Variants in DLC1 observed in about 807,000 individuals in gnomAD.
DLC1 encodes DLC1 Rho GTPase activating protein.
DLC1 carries 54 observed loss-of-function variants against 140.3 expected under a neutral mutation model. That is an observed-to-expected ratio of 0.38 (90% CI 0.31 to 0.48). The LOEUF (loss-of-function observed/expected upper bound fraction) is 0.48, where lower values mean the gene tolerates loss of function less well. Among genes scored for constraint, DLC1 ranks in the 20% least tolerant of loss-of-function variants. The pLI is 0.96. For missense variants in DLC1, 2,536 were observed against 1,907.0 expected, an observed-to-expected ratio of 1.33 and a Z score of -6.14; for synonymous variants, 986 against 728.1, an observed-to-expected ratio of 1.35 and a Z score of -5.70.
chr8:13,520,125 A>G (rs939165369), intron 1 of DLC1, among the ~76,000 whole-genome samples: 15 of 152,356 alleles, frequency 9.8e-5, no homozygotes, highest in African/African-American at 3.6e-4. Flanking sequence ...ATTACTGGGC[A>G]TATACCCAAA....
chr8:13,088,661 T>G lies in DLC1; in HGVS notation c.4118A>C (p.Glu1373Ala). 6.2e-7 allele frequency: 1 copy of G among 1,614,156 alleles called. No individual in the cohort carries two copies. The highest frequency in any genetic ancestry group is 8.5e-7 in the Non-Finnish European group (1 of 1,180,036). The change falls in exon 16 of 18, where the codon GAA becomes GCA. Residue 1373 changes from glutamate (E) to alanine (A), a missense_variant. Coordinates refer to ENST00000276297, the MANE Select transcript of DLC1 (RefSeq NM_182643.3). ...GATTTCCTCTGGCACAGCAGGGACT[T>G]CAATGACTGACCTCCAAAGCCTCAG... ...PPLRLWRSVI[E>A]VPAVPEEILK...
intron 1 of DLC1, among the ~76,000 whole-genome samples, chr8:13,539,670 A>G (rs998754777): frequency 1.3e-5 from 2 of 152,100 alleles, no homozygotes; most frequent in Non-Finnish European, 2.9e-5. Context: ...GGTTAAGATT[A>G]TAACCTGTGC....
chr8:13,465,949 G>C (rs760235514), intron 2 of DLC1, among the ~76,000 whole-genome samples: 1 of 152,020 alleles, frequency 6.6e-6, no homozygotes, highest in Non-Finnish European at 1.5e-5. Flanking sequence ...TTTCCTCAAG[G>C]TGATCAATCC....
At chr8:13,541,796 G>A (rs1277548789) in intron 1 of DLC1, among the ~76,000 whole-genome samples, 1 of 152,138 alleles carries the variant, frequency 6.6e-6, no homozygotes, top group East Asian at 1.9e-4. Context: ...TGATCCGCCT[G>A]CCTCGGCCTC....
chr8:13,582,356 A>G (rs748644176), intron 1 of DLC1, among the ~76,000 whole-genome samples: 9 of 152,220 alleles, frequency 5.9e-5, no homozygotes, highest in Non-Finnish European at 1.3e-4. Flanking sequence ...GATGCAAAGT[A>G]TTAATCCTGG....
Position 13,536,581 on chromosome 8 carries a change from G to A in DLC1, c.-125-36385C>T, listed in dbSNP as rs371374259. Among the ~76,000 whole-genome samples, 68 of 152,162 alleles carry A rather than the reference G, an allele frequency of 4.5e-4. 1 individual carries two copies. Among genetic ancestry groups the A allele is most frequent in the African/African-American group, 1.2e-3 (51 of 41,444 alleles). On this transcript the variant is annotated intron_variant, in intron 1 of 1. Transcript: ENST00000631382. The stretch of plus-strand genomic sequence containing the variant: ...AATGATTAGACTGAGGCTCTGAGAG[G>A]TTAAATAATCTTTACCCTGGCAGGG...
At chr8:13,189,839 G>A (rs988712151) in intron 5 of DLC1, among the ~76,000 whole-genome samples, 1 of 151,870 alleles carries the variant, frequency 6.6e-6, no homozygotes, top group Non-Finnish European at 1.5e-5. Flanking sequence ...CCAAGATCGC[G>A]CCATTGCACT....
chr8:13,110,037 G>C (rs776002908), intron 7 of DLC1, among the ~76,000 whole-genome samples: 6 of 152,112 alleles, frequency 3.9e-5, no homozygotes, highest in Non-Finnish European at 7.4e-5. Flanking sequence ...AGGGATTTTA[G>C]CTTTTGAGAA....
chr8:13,528,480 T>G (rs889431494), intron 1 of DLC1, among the ~76,000 whole-genome samples: 7 of 152,170 alleles, frequency 4.6e-5, no homozygotes, highest in African/African-American at 1.7e-4. Context: ...TTGTAAAACA[T>G]GTGTTATAAA....
At chr8:13,194,492 G>T (rs948655959) in intron 5 of DLC1, among the ~76,000 whole-genome samples, 1 of 152,216 alleles carries the variant, frequency 6.6e-6, no homozygotes, top group South Asian at 2.1e-4. Flanking sequence ...CTGGTGAACT[G>T]TGTATCCTGG....
At chr8:13,091,295 A>G in intron 14 of DLC1, 23 bp downstream of exon 14, 1 of 1,611,680 alleles carries the variant, frequency 6.2e-7, no homozygotes, top group Non-Finnish European at 8.5e-7. Context: ...TTAATAAAGG[A>G]GCCAAACTTC....
chr8:13,329,428 T>C (rs570991450), intron 4 of DLC1, among the ~76,000 whole-genome samples: 3 of 152,270 alleles, frequency 2.0e-5, no homozygotes, highest in South Asian at 2.1e-4. Flanking sequence ...GCCTGTGGGA[T>C]AAATGGAATC....
At chr8:13,133,324 C>T in intron 5 of DLC1, 2 of 1,185,350 alleles carry the variant, frequency 1.7e-6, no homozygotes, top group Non-Finnish European at 2.1e-6. Flanking sequence ...GGCCCTCCCG[C>T]TGGGCCCACC....
intron 1 of DLC1, among the ~76,000 whole-genome samples, chr8:13,596,764 A>C (rs1415301824): frequency 6.6e-6 from 1 of 152,064 alleles, no homozygotes; most frequent in African/African-American, 2.4e-5. Flanking sequence ...ATAAGACTTC[A>C]CACAAATCTG....
intron 5 of DLC1, among the ~76,000 whole-genome samples, chr8:13,179,922 AC>A (rs1158152602): frequency 1.3e-5 from 2 of 152,184 alleles, no homozygotes; most frequent in Non-Finnish European, 2.9e-5. Context: ...ATCTGGGAAT[AC>A]TTGAGGCATT....
intron 5 of DLC1, among the ~76,000 whole-genome samples, chr8:13,142,614 GAAAT>G (rs771212401): frequency 7.0e-4 from 106 of 152,140 alleles, no homozygotes; most frequent in Non-Finnish European, 1.2e-3. Context: ...ATATTTATGA[GAAAT>G]AAAAGTTTTT....
At chr8:13,433,367 A>G (rs551719624) in intron 2 of DLC1, among the ~76,000 whole-genome samples, 1 of 152,146 alleles carries the variant, frequency 6.6e-6, no homozygotes, top group Admixed American at 6.5e-5. Flanking sequence ...GGACTGTCAC[A>G]TTTCCACAGT....
intron 6 of DLC1, 125 bp from the exon 7 acceptor site, chr8:13,110,948 C>T (rs983791058): frequency 2.3e-5 from 18 of 770,040 alleles, no homozygotes; most frequent in Non-Finnish European, 3.9e-5. Context: ...TAGGACACCT[C>T]ATTCCCCGTC....
chr8:13,506,851 T>C (rs1435424490), intron 1 of DLC1, among the ~76,000 whole-genome samples: 1 of 152,006 alleles, frequency 6.6e-6, no homozygotes, highest in African/African-American at 2.4e-5. Flanking sequence ...ATTTGGCACA[T>C]TTTGTTGCTA....
Sources: allele counts gnomAD v4.1 joint callset (sites outside exome capture counted in the v4.1 genomes callset), GRCh38; gene constraint gnomAD v4.1.1; transcripts MANE v1.5; gene names NCBI Gene and HGNC (gene_info 2026-07-23, HGNC 2026-07-21).